The following ARHGAP20 variants were observed in gnomAD, a reference collection of about 807,000 sequenced individuals.
ARHGAP20 encodes Rho GTPase activating protein 20.
ARHGAP20 carries 34 observed loss-of-function variants against 73.7 expected under a neutral mutation model. That is an observed-to-expected ratio of 0.46 (90% confidence interval 0.35 to 0.61). The LOEUF is 0.61. Ranked by LOEUF, ARHGAP20 falls within the 20% of genes least tolerant of loss-of-function variation. The pLI is 0.00. For missense variants in ARHGAP20, 1,314 were observed against 1,420.9 expected (o/e 0.92, Z 1.21); for synonymous variants, 523 against 518.2 (o/e 1.01, Z -0.13).
At chr11:110,700,323 T>C (rs45449596) in intron 1 of ARHGAP20, among the ~76,000 whole-genome samples, 10,335 of 152,078 alleles carry the variant, frequency 0.068, 498 homozygotes, top group Non-Finnish European at 0.092. Flanking sequence ...ATAAGGGCAC[T>C]GGGAAAGCTT....
At chr11:110,668,159 A>G (rs1423948117) in intron 2 of ARHGAP20, among the ~76,000 whole-genome samples, 2 of 152,188 alleles carry the variant, frequency 1.3e-5, no homozygotes, top group African/African-American at 4.8e-5. Flanking sequence ...AAGAAAGTCA[A>G]TGTCTCAAAT....
intron 2 of ARHGAP20, among the ~76,000 whole-genome samples, chr11:110,657,351 C>T (rs1949488757): frequency 6.6e-6 from 1 of 151,776 alleles, no homozygotes; most frequent in African/African-American, 2.4e-5. Context: ...TCACTGGCCA[C>T]TGAGAGGCAG....
chr11:110,696,803 T>G (rs1950345247), intron 1 of ARHGAP20, among the ~76,000 whole-genome samples: 1 of 151,768 alleles, frequency 6.6e-6, no homozygotes, highest in Non-Finnish European at 1.5e-5. Context: ...AGATCCCACT[T>G]ATTAGTGAGA....
In ARHGAP20 at chr11:110,592,070, C is replaced by G; in HGVS notation, c.1050G>C (p.Leu350Phe). The change falls in exon 10 of 15, where the codon TTG becomes TTC. Residue 350 changes from leucine to phenylalanine, a missense_variant. Transcript: ENST00000683387. ...WRGSSTHLDNLPSSPTSPMPG... is the reference protein window; with the variant it reads ...WRGSSTHLDNFPSSPTSPMPG... ...GCATAGGTGATGTTGGCGATGAGGG[C>G]AAGTTGTCCAGGTGAGTGCTAGAAC... The G allele has an allele frequency of 6.2e-7, 1 of 1,614,138 alleles. No homozygotes were observed. The highest frequency in any genetic ancestry group is 8.5e-7 in the Non-Finnish European group (1 of 1,179,984).
rs768919471 is a variant in ARHGAP20, at chr11:110,690,594, A to C, written c.141T>G (p.Ala47=). 41 of 1,613,962 alleles carry C rather than the reference A, an allele frequency of 2.5e-5. No individual in the cohort carries two copies. Among genetic ancestry groups the C allele is most frequent in the Admixed American group, 8.3e-5 (5 of 60,006 alleles). The change falls in exon 2 of 15, where the codon GCT becomes GCG. Residue 47 remains alanine (A), a synonymous_variant. Transcript: ENST00000683387. ...GGGCTTTATCCAGGATAAGAGATGG[A>C]GCGCTCCTCCTCCTTTCTGCTAGTG... The part of the protein sequence containing the change: ...MKTLAERRRS[A]PSLILDKALQ...
chr11:110,710,958 T>C (rs1237192201), intron 1 of ARHGAP20, among the ~76,000 whole-genome samples: 1 of 138,216 alleles, frequency 7.2e-6, no homozygotes, highest in African/African-American at 2.8e-5. Context: ...ATGCCTCTAA[T>C]CGCAACTTGT....
At chr11:110,655,915 C>T (rs1949456625) in intron 2 of ARHGAP20, among the ~76,000 whole-genome samples, 2 of 152,176 alleles carry the variant, frequency 1.3e-5, no homozygotes, top group South Asian at 4.1e-4. Context: ...CCTTTCCTGA[C>T]TAACCTAGTC....
intron 4 of ARHGAP20, among the ~76,000 whole-genome samples, chr11:110,617,035 A>G (rs1170076102): frequency 6.6e-6 from 1 of 152,212 alleles, no homozygotes; most frequent in East Asian, 1.9e-4. Flanking sequence ...ATCAGGAAAT[A>G]GAAAATCACC....
chr11:110,678,288 G>A (rs759755697), intron 2 of ARHGAP20, among the ~76,000 whole-genome samples: 13 of 152,200 alleles, frequency 8.5e-5, no homozygotes, highest in Non-Finnish European at 1.5e-4. Flanking sequence ...GAAGATTTTG[G>A]TGATGGCTTC....
At chr11:110,667,925 A>T (rs1949756494) in intron 2 of ARHGAP20, among the ~76,000 whole-genome samples, 1 of 152,194 alleles carries the variant, frequency 6.6e-6, no homozygotes, top group South Asian at 2.1e-4. Flanking sequence ...CTTCTTAAGG[A>T]TGGGTAGAGA....
chr11:110,707,630 A>T (rs528490023), intron 1 of ARHGAP20, among the ~76,000 whole-genome samples: 1 of 152,244 alleles, frequency 6.6e-6, no homozygotes, highest in East Asian at 1.9e-4. Context: ...CTTCATTTAC[A>T]GCATCTACAT....
chr11:110,711,668 G>C, intron 1 of ARHGAP20: 1 of 1,462,316 alleles, frequency 6.8e-7, no homozygotes, highest in East Asian at 2.8e-5. Context: ...CTTCTTCAGC[G>C]CCGGCTGCCG....
rs565277114 is a variant in ARHGAP20 at position 110,648,610 on chromosome 11, G to A, written c.189-17818C>T. On this transcript the variant is annotated intron_variant, in intron 2 of 14. Coordinates refer to ENST00000683387, the MANE Select transcript of ARHGAP20 (RefSeq NM_001384657.1). ...AGTGATTCTCCTGCCTCAGCCTCCC[G>A]AGTAACTGGGATTACAGGTGTGCAC... 7.2e-4 allele frequency among the ~76,000 whole-genome samples: 109 copies of A among 150,784 alleles called. 1 individual carries two copies. Among genetic ancestry groups the A allele is most frequent in the African/African-American group, 2.2e-3 (90 of 41,122 alleles).
chr11:110,671,675 T>C (rs773023153), intron 2 of ARHGAP20, among the ~76,000 whole-genome samples: 2 of 152,110 alleles, frequency 1.3e-5, no homozygotes, highest in Non-Finnish European at 2.9e-5. Flanking sequence ...ACTGTATTTC[T>C]ATATATTAGC....
chr11:110,693,619 G>A (rs1950282768), intron 1 of ARHGAP20, among the ~76,000 whole-genome samples: 1 of 151,734 alleles, frequency 6.6e-6, no homozygotes, highest in Admixed American at 6.6e-5. Context: ...TCTTTCTTTT[G>A]CTTAAAAGTG....
chr11:110,693,850 T>C (rs1396861619), intron 1 of ARHGAP20, among the ~76,000 whole-genome samples: 5 of 151,882 alleles, frequency 3.3e-5, no homozygotes, highest in Admixed American at 3.3e-4. Context: ...TTCACAGTTG[T>C]TCTGTGACAG....
intron 1 of ARHGAP20, among the ~76,000 whole-genome samples, chr11:110,696,588 T>C (rs1398022826): frequency 6.6e-6 from 1 of 150,640 alleles, no homozygotes; most frequent in South Asian, 2.1e-4. Flanking sequence ...TAGATTCATG[T>C]GCATGTGCAT....
intron 5 of ARHGAP20, among the ~76,000 whole-genome samples, chr11:110,615,076 G>A (rs937937835): frequency 1.2e-4 from 19 of 152,150 alleles, no homozygotes; most frequent in African/African-American, 3.6e-4. Flanking sequence ...AGCGTGGAGA[G>A]GGAGAGAGGA....
At chr11:110,613,384 G>A (rs895661397) in intron 6 of ARHGAP20, among the ~76,000 whole-genome samples, 1 of 152,194 alleles carries the variant, frequency 6.6e-6, no homozygotes, top group African/African-American at 2.4e-5. Flanking sequence ...TGAGAGTCTT[G>A]TTATGAAAGC....
Sources: gnomAD v4.1 joint callset for allele counts (sites outside exome capture counted in the v4.1 genomes callset) on GRCh38, gnomAD v4.1.1 for gene constraint, MANE v1.5 for transcripts, NCBI Gene and HGNC (gene_info 2026-07-23, HGNC 2026-07-21) for gene names.